NEDD1: variants seen among roughly 807,000 people sequenced by gnomAD.
NEDD1 encodes protein NEDD1.
NEDD1 carries 33 observed loss-of-function variants against 74.0 expected under a neutral mutation model. The ratio of observed to expected loss-of-function variants is 0.45; its 90% CI spans 0.34 to 0.60. The LOEUF (loss-of-function observed/expected upper bound fraction) is 0.60, where lower values mean the gene tolerates loss of function less well. Ranked by LOEUF, NEDD1 falls within the 20% of genes least tolerant of loss-of-function variation. The probability of loss-of-function intolerance (pLI) is 0.01; values close to 1 mark genes in which losing one functional copy is unlikely to be tolerated. For synonymous variants in NEDD1, 250 were observed against 264.4 expected (o/e 0.95, Z 0.53); for missense variants, 746 against 776.5 (o/e 0.96, Z 0.47).
At position 96,945,569 on chromosome 12, in the gene NEDD1, A is replaced by C. The variant is rs570597705; in HGVS notation, c.1655-124A>C. ...GTATTCCAGACAGTGAATTTTTCTA[A>C]ATGTCACAGGAACACTCTTCTTTGC... On this transcript the variant is annotated intron_variant, in intron 13 of 15. Coordinates refer to ENST00000266742, the MANE Select transcript of NEDD1 (RefSeq NM_152905.4). 1.8e-5 allele frequency: 11 copies of C among 604,062 alleles called. No homozygotes were observed. The African/African-American group carries it at 2.0e-4, about 11-fold the overall frequency. The allele number at this position is 604,062 out of a possible 1,614,324, so 37.4% of individuals were successfully genotyped here.
At chr12:96,935,968 C>A (rs1484427073) in intron 7 of NEDD1, among the ~76,000 whole-genome samples, 1 of 152,170 alleles carries the variant, frequency 6.6e-6, no homozygotes, top group African/African-American at 2.4e-5. Context: ...AGAATTTTTA[C>A]TGTTAGGACT....
intron 2 of NEDD1, among the ~76,000 whole-genome samples, chr12:96,908,595 T>G (rs146860196): frequency 1.2e-3 from 181 of 152,342 alleles, no homozygotes; most frequent in African/African-American, 4.0e-3. Flanking sequence ...AATCACCTTG[T>G]TAGAATTACG....
At chr12:96,908,421 G>A (rs976784644) in intron 2 of NEDD1, among the ~76,000 whole-genome samples, 1 of 147,656 alleles carries the variant, frequency 6.8e-6, no homozygotes, top group African/African-American at 2.7e-5. Flanking sequence ...ATACTAGGAA[G>A]GTGTGGGAGG....
At chr12:96,940,352 T>G (rs1877539960) in intron 9 of NEDD1, 57 bp from the exon 10 acceptor site, 2 of 1,068,406 alleles carry the variant, frequency 1.9e-6, no homozygotes, top group Admixed American at 2.2e-5. Flanking sequence ...CAACCTAGCT[T>G]ATGATAAAAT....
In NEDD1 at chr12:96,912,739, A is replaced by G. The variant is rs1031795729; in HGVS notation, c.153A>G (p.Thr51=). The G allele has an allele frequency of 1.9e-6, 3 of 1,590,978 alleles. No homozygotes were observed. The Admixed American group carries it at 5.0e-5, about 27-fold the overall frequency. ...CTCATTTAGATAACTTTTTAGTAAC[A>G]GCATCTTCCAGTGGCGACAAAATAG... The part of the protein sequence containing the change: ...CWSSNNNFLV[T]ASSSGDKIVV... The change falls in exon 4 of 16, where the codon ACA becomes ACG. Residue 51 remains threonine, a synonymous_variant. Transcript: ENST00000266742.
chr12:96,909,450 T>C (rs1223000194), intron 2 of NEDD1, among the ~76,000 whole-genome samples: 1 of 152,094 alleles, frequency 6.6e-6, no homozygotes, highest in Non-Finnish European at 1.5e-5. Context: ...TGCCTTTGCA[T>C]GAGGCAGAGA....
chr12:96,930,873 A>G (rs1468501773), intron 6 of NEDD1, among the ~76,000 whole-genome samples: 1 of 152,204 alleles, frequency 6.6e-6, no homozygotes, highest in African/African-American at 2.4e-5. Context: ...ATTGACGGTC[A>G]TTCAGAAACT....
intron 15 of NEDD1, among the ~76,000 whole-genome samples, 178 bp from the exon 16 acceptor site, chr12:96,951,771 A>G (rs1425336510): frequency 6.6e-6 from 1 of 151,784 alleles, no homozygotes; most frequent in African/African-American, 2.4e-5. Flanking sequence ...CAAATATACT[A>G]ATTTCACCAA....
intron 5 of NEDD1, among the ~76,000 whole-genome samples, chr12:96,919,518 A>G (rs1049661391): frequency 6.6e-6 from 1 of 152,092 alleles, no homozygotes; most frequent in African/African-American, 2.4e-5. Context: ...CCATTTTGCA[A>G]TGTCTGGTTT....
At chr12:96,937,438 T>C in intron 9 of NEDD1, 45 bp downstream of exon 9, 1 of 1,114,838 alleles carries the variant, frequency 9.0e-7, no homozygotes, top group Non-Finnish European at 1.2e-6. Context: ...TTGTTTTTTT[T>C]TTGTTTTTTT....
chr12:96,909,912 AAAAAC>A lies in NEDD1; in HGVS notation c.136+19_136+23del. 6.3e-7 allele frequency: 1 copy of A among 1,591,014 alleles called. No homozygotes were observed. Among genetic ancestry groups the A allele is most frequent in the Non-Finnish European group, 8.5e-7 (1 of 1,173,130 alleles). On this transcript the variant is annotated intron_variant, in intron 3 of 15. Transcript: ENST00000266742. ...GCAGCAATAGTATCCTTTAAAAAAA[AAAAAC>A]ACACACACACACACACAAACCGCTT...
At chr12:96,950,304 A>G (rs796493762) in intron 14 of NEDD1, among the ~76,000 whole-genome samples, 1 of 151,902 alleles carries the variant, frequency 6.6e-6, no homozygotes, top group African/African-American at 2.4e-5. Flanking sequence ...AGCAAGAAGA[A>G]CTCTGTTATA....
chr12:96,926,681 T>C (rs1295488103), intron 6 of NEDD1, among the ~76,000 whole-genome samples: 1 of 152,060 alleles, frequency 6.6e-6, no homozygotes, highest in Non-Finnish European at 1.5e-5. Context: ...TTAAGATTTC[T>C]CAAAATTCAG....
Position 96,919,179 on chromosome 12 carries a change from T to G in NEDD1, c.349-806T>G, listed in dbSNP as rs1194992964. 2.0e-5 allele frequency among the ~76,000 whole-genome samples: 3 copies of G among 152,212 alleles called. No homozygotes were observed. The East Asian group carries it at 5.8e-4, about 29-fold the overall frequency. ...CATAGTCCTTGTGAACTCAGTTTGT[T>G]TAAAACCTGAAAGTTTTACTTCCTC... On this transcript the variant is annotated intron_variant, in intron 5 of 15. Transcript: ENST00000266742.
At chr12:96,934,312 C>T (rs1876857440) in intron 6 of NEDD1, among the ~76,000 whole-genome samples, 1 of 150,704 alleles carries the variant, frequency 6.6e-6, no homozygotes, top group South Asian at 2.1e-4. Context: ...TGTAGATAAT[C>T]TCAATGTATT....
Position 96,940,420 on chromosome 12 carries a change from A to G in NEDD1, c.1129A>G (p.Ser377Gly). ...AVQEKAGLPR[S>G]INTDTLSKET... ...CTAATTCCTATAAGGTTTGCCTCGA[A>G]GCATAAACACAGACACTTTATCTAA... is the stretch of plus-strand genomic sequence containing the variant. Residue 377 changes from serine to glycine, a missense_variant, in exon 10 of 16, where the codon AGC becomes GGC. Transcript: ENST00000266742. 2 of 1,590,588 alleles carry G rather than the reference A, an allele frequency of 1.3e-6. No individual in the cohort carries two copies. The highest frequency in any genetic ancestry group is 1.7e-6 in the Non-Finnish European group (2 of 1,161,932).
In NEDD1 at chr12:96,929,621, A is replaced by ATT. The variant is rs1182293978; in HGVS notation, c.490-5354_490-5353insTT. On this transcript the variant is annotated intron_variant, in intron 6 of 15. Transcript: ENST00000266742. ...CACACATATGTGTATATATATATAT[A>ATT]TATTTTTTTTTTAATGGCTGCTTGC... Among the ~76,000 whole-genome samples, 219 of 136,060 alleles carry ATT rather than the reference A, an allele frequency of 1.6e-3. 3 individuals carry two copies. Among genetic ancestry groups the ATT allele is most frequent in the African/African-American group, 5.5e-3 (187 of 33,818 alleles). 89.3% of individuals were successfully genotyped at this position (136,060 alleles called of 152,430 possible).
At chr12:96,943,529 C>T (rs370590429) in intron 11 of NEDD1, 31 bp from the exon 12 acceptor site, 10 of 1,494,150 alleles carry the variant, frequency 6.7e-6, no homozygotes, top group Non-Finnish European at 7.4e-6. Context: ...TGGAGGACAC[C>T]ATATGCACAT....
chr12:96,935,590 G>C (rs970988436), intron 7 of NEDD1, among the ~76,000 whole-genome samples: 2 of 152,130 alleles, frequency 1.3e-5, no homozygotes, highest in Non-Finnish European at 2.9e-5. Context: ...TTTGTTGTGA[G>C]GGGCTGTCCT....
Sources: allele counts gnomAD v4.1 joint callset (sites outside exome capture counted in the v4.1 genomes callset), GRCh38; gene constraint gnomAD v4.1.1; transcripts MANE v1.5; gene names NCBI Gene and HGNC (gene_info 2026-07-23, HGNC 2026-07-21).